The following FBXL7 variants were observed in gnomAD, a reference collection of about 807,000 sequenced individuals.
FBXL7 encodes F-box and leucine rich repeat protein 7, also known as F-box/LRR-repeat protein 7.
In FBXL7, 12 loss-of-function variants were observed where a neutral mutation model predicts 38.3. The ratio of observed to expected loss-of-function variants is 0.31; its 90% confidence interval spans 0.20 to 0.51. FBXL7 has a LOEUF of 0.51. Among genes scored for constraint, FBXL7 ranks in the 20% least tolerant of loss-of-function variants. FBXL7 has a pLI of 0.98. For missense variants in FBXL7, 567 were observed against 676.4 expected (o/e 0.84, Z 1.79); for synonymous variants, 297 against 300.9 (o/e 0.99, Z 0.13).
At chr5:15,805,327 C>A (rs980361932) in intron 2 of FBXL7, among the ~76,000 whole-genome samples, 13 of 152,148 alleles carry the variant, frequency 8.5e-5, no homozygotes, top group African/African-American at 3.1e-4. Context: ...GACTTGCTCT[C>A]TGTAGGCCAG....
intron 2 of FBXL7, among the ~76,000 whole-genome samples, chr5:15,655,158 A>G (rs1311541602): frequency 6.6e-6 from 1 of 152,258 alleles, no homozygotes; most frequent in African/African-American, 2.4e-5. Flanking sequence ...TATGAAAATA[A>G]GCAAAGGTTA....
At chr5:15,528,146 A>G (rs1487031643) in intron 1 of FBXL7, among the ~76,000 whole-genome samples, 2 of 152,124 alleles carry the variant, frequency 1.3e-5, no homozygotes, top group Non-Finnish European at 1.5e-5. Flanking sequence ...TTGAAGCCCC[A>G]GAATGCATAG....
rs73752370 is a variant in FBXL7, at chr5:15,894,741, T to G, written c.128-33149T>G. 7.0e-3 allele frequency among the ~76,000 whole-genome samples: 1,066 copies of G among 152,316 alleles called. 19 individuals carry two copies. Among genetic ancestry groups the G allele is most frequent in the African/African-American group, 0.024 (1,012 of 41,572 alleles). On this transcript the variant is annotated intron_variant, in intron 2 of 3. Coordinates refer to ENST00000504595, the MANE Select transcript of FBXL7 (RefSeq NM_012304.5). ...TTTATGAGGTAGAGTTTTACTGTTA[T>G]TAAGCCTCAAAAAAAGGTCAATTCA...
intron 2 of FBXL7, among the ~76,000 whole-genome samples, chr5:15,709,221 T>A (rs933136038): frequency 6.6e-6 from 1 of 152,112 alleles, no homozygotes; most frequent in African/African-American, 2.4e-5. Flanking sequence ...AGTTAAGATA[T>A]TACACTGTGG....
intron 2 of FBXL7, among the ~76,000 whole-genome samples, chr5:15,648,895 CTT>C (rs5866155): frequency 3.1e-4 from 44 of 143,330 alleles, no homozygotes; most frequent in Admixed American, 4.2e-4. Flanking sequence ...TCAATTTCAA[CTT>C]TTTTTTTTTT....
chr5:15,729,976 A>G (rs370826747), intron 2 of FBXL7, among the ~76,000 whole-genome samples: 1 of 152,204 alleles, frequency 6.6e-6, no homozygotes, highest in African/African-American at 2.4e-5. Flanking sequence ...ACTGTATGAC[A>G]TATGATCGAA....
chr5:15,628,651 C>T (rs1256977684), intron 2 of FBXL7, among the ~76,000 whole-genome samples: 1 of 152,158 alleles, frequency 6.6e-6, no homozygotes, highest in Non-Finnish European at 1.5e-5. Context: ...TTTAAGCATG[C>T]TGTTGTTACA....
At chr5:15,641,236 C>G (rs1741360005) in intron 2 of FBXL7, among the ~76,000 whole-genome samples, 1 of 152,200 alleles carries the variant, frequency 6.6e-6, no homozygotes, top group African/African-American at 2.4e-5. Context: ...CTAAACCTTT[C>G]CATGAGACTG....
chr5:15,693,657 G>A (rs1743248556), intron 2 of FBXL7, among the ~76,000 whole-genome samples: 1 of 152,170 alleles, frequency 6.6e-6, no homozygotes, highest in Non-Finnish European at 1.5e-5. Context: ...GACCCTAGCG[G>A]ACACACGCAT....
At chr5:15,666,988 T>C (rs757141562) in intron 2 of FBXL7, among the ~76,000 whole-genome samples, 2 of 152,222 alleles carry the variant, frequency 1.3e-5, no homozygotes, top group Non-Finnish European at 2.9e-5. Flanking sequence ...GAGTTTTAAG[T>C]ATTATAACCT....
At chr5:15,720,495 G>A (rs780329723) in intron 2 of FBXL7, among the ~76,000 whole-genome samples, 1 of 148,356 alleles carries the variant, frequency 6.7e-6, no homozygotes, top group African/African-American at 2.5e-5. Context: ...ATAAGCCCTT[G>A]GAAGCATGCA....
At chr5:15,570,006 G>A (rs1164298489) in intron 1 of FBXL7, among the ~76,000 whole-genome samples, 1 of 152,102 alleles carries the variant, frequency 6.6e-6, no homozygotes, top group African/African-American at 2.4e-5. Flanking sequence ...ATTTTATTGA[G>A]GATTTTTGCA....
At chr5:15,890,341 C>G (rs755635478) in intron 2 of FBXL7, among the ~76,000 whole-genome samples, 1 of 152,250 alleles carries the variant, frequency 6.6e-6, no homozygotes, top group Non-Finnish European at 1.5e-5. Context: ...CTCCGCCTCC[C>G]GGGTTCAAGC....
At chr5:15,842,913 A>T (rs1303012839) in intron 2 of FBXL7, among the ~76,000 whole-genome samples, 1 of 152,172 alleles carries the variant, frequency 6.6e-6, no homozygotes, top group African/African-American at 2.4e-5. Context: ...TAGCAGGAGG[A>T]GAACAGAATA....
At chr5:15,651,081 C>A (rs935601873) in intron 2 of FBXL7, among the ~76,000 whole-genome samples, 1 of 150,836 alleles carries the variant, frequency 6.6e-6, no homozygotes, top group Non-Finnish European at 1.5e-5. Context: ...CCTTACAAAA[C>A]ATACTTCTTT....
At chr5:15,590,293 C>T (rs1739432292) in intron 1 of FBXL7, among the ~76,000 whole-genome samples, 1 of 152,104 alleles carries the variant, frequency 6.6e-6, no homozygotes, top group Non-Finnish European at 1.5e-5. Flanking sequence ...GATTTATTTT[C>T]AACCATCATT....
At chr5:15,531,384 CTTAAAAAAGATCA>C (rs1737426548) in intron 1 of FBXL7, among the ~76,000 whole-genome samples, 2 of 152,182 alleles carry the variant, frequency 1.3e-5, no homozygotes, top group East Asian at 3.9e-4. Context: ...AAATAAAGGA[CTTAAAAAAGATCA>C]TTATGTGTAA....
chr5:15,558,631 G>T (rs1001409873), intron 1 of FBXL7, among the ~76,000 whole-genome samples: 11 of 152,202 alleles, frequency 7.2e-5, no homozygotes, highest in African/African-American at 2.7e-4. Flanking sequence ...CTGGAGCTGC[G>T]CTTCAAAATC....
At chr5:15,682,580 C>T (rs752164355) in intron 2 of FBXL7, among the ~76,000 whole-genome samples, 3 of 151,284 alleles carry the variant, frequency 2.0e-5, no homozygotes, top group Non-Finnish European at 3.0e-5. Flanking sequence ...AAGTTTTATT[C>T]TAAATTACTT....
Sources: gnomAD v4.1 joint callset for allele counts (sites outside exome capture counted in the v4.1 genomes callset) on GRCh38, gnomAD v4.1.1 for gene constraint, MANE v1.5 for transcripts, NCBI Gene and HGNC (gene_info 2026-07-23, HGNC 2026-07-21) for gene names.